The following VWA8 variants were observed in gnomAD, a reference collection of about 807,000 sequenced individuals.
VWA8 encodes von Willebrand factor A domain-containing protein 8.
A neutral mutation model predicts 241.5 loss-of-function variants in VWA8; 221 were observed. The observed-to-expected ratio is 0.91, with a 90% CI of 0.82 to 1.02. The LOEUF (loss-of-function observed/expected upper bound fraction) is 1.02, where lower values mean the gene tolerates loss of function less well. Ranked by LOEUF, VWA8 falls within the 50% of genes least tolerant of loss-of-function variation. VWA8 has a pLI of 0.00. For missense variants in VWA8, 2,322 were observed against 2,328.7 expected, an observed-to-expected ratio of 1.00 and a Z score of 0.06; for synonymous variants, 852 against 827.1, an observed-to-expected ratio of 1.03 and a Z score of -0.52.
At chr13:41,671,281 T>C (rs1233915986) in intron 36 of VWA8, 134 bp from the exon 37 acceptor site, 2 of 955,924 alleles carry the variant, frequency 2.1e-6, no homozygotes, top group African/African-American at 3.3e-5. Context: ...TGCTCTTACC[T>C]CTGTCACCAC....
Position 41,960,904 on chromosome 13 carries a change from T to A in VWA8, c.112A>T (p.Arg38Trp). The change falls in exon 1 of 45, where the codon AGG (arginine) becomes TGG (tryptophan). Residue 38 changes from arginine (R) to tryptophan (W), a missense_variant. Transcript: ENST00000379310. ...QVVQRRPGGD[R>W]QRPEVRLLHA... ...AACAGTCTGACCTCCGGCCGCTGCC[T>A]GTCGCCACCCGGCCTGCGCTGCACC... The A allele has an allele frequency of 6.6e-7, 1 of 1,513,054 alleles. No individual in the cohort carries two copies. Among genetic ancestry groups the A allele is most frequent in the Non-Finnish European group, 8.8e-7 (1 of 1,137,134 alleles). 93.7% of individuals were successfully genotyped at this position (1,513,054 alleles called of 1,614,324 possible).
At chr13:41,598,819 C>T (rs2044504221) in intron 40 of VWA8, among the ~76,000 whole-genome samples, 1 of 140,924 alleles carries the variant, frequency 7.1e-6, no homozygotes, top group African/African-American at 2.5e-5. Context: ...TGCTTCTCTG[C>T]TTTTAGGATT....
At chr13:41,787,127 T>C (rs1163463117) in intron 18 of VWA8, among the ~76,000 whole-genome samples, 1 of 148,348 alleles carries the variant, frequency 6.7e-6, no homozygotes, top group African/African-American at 2.5e-5. Flanking sequence ...AAAAAGTACA[T>C]TTCTCAAAAT....
At chr13:41,715,878 T>C (rs2045345111) in intron 26 of VWA8, among the ~76,000 whole-genome samples, 1 of 152,010 alleles carries the variant, frequency 6.6e-6, no homozygotes, top group Non-Finnish European at 1.5e-5. Context: ...CCATCTTGAG[T>C]GTGGGGATGA....
At chr13:41,920,719 C>T (rs181164647) in intron 2 of VWA8, among the ~76,000 whole-genome samples, 1 of 152,268 alleles carries the variant, frequency 6.6e-6, no homozygotes, top group African/African-American at 2.4e-5. Flanking sequence ...GACACATACA[C>T]CCTCCCAAGA....
chr13:41,797,670 T>C (rs539846660), intron 17 of VWA8, among the ~76,000 whole-genome samples: 195 of 152,320 alleles, frequency 1.3e-3, no homozygotes, highest in Non-Finnish European at 2.3e-3. Flanking sequence ...AATTTTTTGT[T>C]CATCTTCTTC....
chr13:41,727,257 T>A lies in VWA8; in HGVS notation c.2695A>T (p.Met899Leu). Residue 899 changes from methionine (M) to leucine (L), a missense_variant, in exon 24 of 45, where the codon ATG becomes TTG. Coordinates refer to ENST00000379310, the MANE Select transcript of VWA8 (RefSeq NM_015058.2). ...CCAGGTCTATTTGCCAGAACAATCATCCTAAAATCAGGATGAATCACTACA... is the reference window on the plus strand; with the variant it reads ...CCAGGTCTATTTGCCAGAACAATCAACCTAAAATCAGGATGAATCACTACA... ...NVVVIHPDFRMIVLANRPGFP... is the reference protein window; with the variant it reads ...NVVVIHPDFRLIVLANRPGFP... The A allele has an allele frequency of 6.4e-7, 1 of 1,557,496 alleles. No homozygotes were observed. The highest frequency in any genetic ancestry group is 8.7e-7 in the Non-Finnish European group (1 of 1,149,832).
Position 41,918,023 on chromosome 13 carries a change from A to G in VWA8, c.242-5855T>C, listed in dbSNP as rs17595337. On this transcript the variant is annotated intron_variant, in intron 2 of 44. Coordinates refer to ENST00000379310, the MANE Select transcript of VWA8 (RefSeq NM_015058.2). ...CATTCTGTAGTTAGATATAATGGAC[A>G]TGAAGGGTGAAAATATTTAGCACCA... 4.5e-3 allele frequency among the ~76,000 whole-genome samples: 693 copies of G among 152,356 alleles called. 8 individuals are homozygous for G. The highest frequency in any genetic ancestry group is 0.034 in the Admixed American group (524 of 15,294).
At position 41,755,198 on chromosome 13, in the gene VWA8, T is replaced by C. The variant is rs541138590; in HGVS notation, c.2426+5930A>G. On this transcript the variant is annotated intron_variant, in intron 21 of 44. Coordinates refer to ENST00000379310, the MANE Select transcript of VWA8 (RefSeq NM_015058.2). ...TGAGGAACCTCCAAACTGTTCTCCATAGTGGTTGTACTAATTTACATTCCC... is the reference window on the plus strand; with the variant it reads ...TGAGGAACCTCCAAACTGTTCTCCACAGTGGTTGTACTAATTTACATTCCC... 4.4e-4 allele frequency among the ~76,000 whole-genome samples: 67 copies of C among 152,202 alleles called. 1 individual carries two copies. Among genetic ancestry groups the C allele is most frequent in the African/African-American group, 1.4e-3 (59 of 41,558 alleles).
intron 2 of VWA8, among the ~76,000 whole-genome samples, chr13:41,943,350 A>C (rs564305271): frequency 6.6e-6 from 1 of 152,216 alleles, no homozygotes; most frequent in Non-Finnish European, 1.5e-5. Context: ...TAAAGGCTAT[A>C]TTATGAAAAA....
intron 3 of VWA8, among the ~76,000 whole-genome samples, chr13:41,910,171 G>C (rs1875924473): frequency 6.6e-6 from 1 of 152,154 alleles, no homozygotes; most frequent in South Asian, 2.1e-4. Flanking sequence ...AACCAACGAG[G>C]CTTCTCATAA....
intron 5 of VWA8, among the ~76,000 whole-genome samples, chr13:41,889,595 T>C (rs943741443): frequency 3.9e-5 from 6 of 152,138 alleles, no homozygotes. Flanking sequence ...GCCAGGCTGA[T>C]CTTGAACTCC....
chr13:41,767,793 T>C lies in VWA8; in HGVS notation c.2350-6589A>G, dbSNP rs546248780. Among the ~76,000 whole-genome samples the C allele has an allele frequency of 3.3e-5, 5 of 152,342 alleles. No homozygotes were observed. In the East Asian group the frequency reaches 9.6e-4, roughly 29 times the overall value. ...ACCTCCCTGCATTTTCCCTTTGAAA[T>C]ACTGTGTTGCTATAAATGGCAAAAA... On this transcript the variant is annotated intron_variant, in intron 20 of 44. Transcript: ENST00000379310.
At chr13:41,859,369 A>G (rs1450971405) in intron 12 of VWA8, among the ~76,000 whole-genome samples, 4 of 152,214 alleles carry the variant, frequency 2.6e-5, no homozygotes, top group Non-Finnish European at 5.9e-5. Flanking sequence ...GAGTTTAGCT[A>G]TAGAAAGAAA....
At chr13:41,694,776 T>C (rs2045205247) in intron 29 of VWA8, among the ~76,000 whole-genome samples, 1 of 152,044 alleles carries the variant, frequency 6.6e-6, no homozygotes, top group African/African-American at 2.4e-5. Context: ...GAATAAGCAG[T>C]TGATTAAACA....
intron 26 of VWA8, among the ~76,000 whole-genome samples, chr13:41,707,368 T>A (rs1275674388): frequency 6.6e-6 from 1 of 152,170 alleles, no homozygotes; most frequent in Non-Finnish European, 1.5e-5. Flanking sequence ...AAGATTTGGA[T>A]CTTTCTAGGG....
In VWA8 at chr13:41,658,695, C is replaced by CA. The variant is rs368347537; in HGVS notation, c.4611+12250dup. Reference sequence around the variant, plus strand: ...CCTCAGCCTCACAGTTGCCCAGCTTCACTCGGACTTCCTTCCCAGACCACA... The same window carrying CA: ...CCTCAGCCTCACAGTTGCCCAGCTTCAACTCGGACTTCCTTCCCAGACCACA... On this transcript the variant is annotated intron_variant, in intron 37 of 44. Transcript: ENST00000379310. Among the ~76,000 whole-genome samples the CA allele has an allele frequency of 1.9e-3, 290 of 152,348 alleles. 1 individual carries two copies. Among genetic ancestry groups the CA allele is most frequent in the East Asian group, 7.9e-3 (41 of 5,192 alleles).
intron 17 of VWA8, among the ~76,000 whole-genome samples, chr13:41,791,927 G>C (rs1869479318): frequency 6.6e-6 from 1 of 151,480 alleles, no homozygotes; most frequent in Non-Finnish European, 1.5e-5. Context: ...AAATCATAGA[G>C]TAATAATATA....
At chr13:41,657,484 T>A (rs527575424) in intron 37 of VWA8, among the ~76,000 whole-genome samples, 171 of 135,946 alleles carry the variant, frequency 1.3e-3, no homozygotes, top group Admixed American at 3.4e-3. Flanking sequence ...AAGTTATTCT[T>A]TTTTTTTTTT....
Sources: allele counts gnomAD v4.1 joint callset (sites outside exome capture counted in the v4.1 genomes callset), GRCh38; gene constraint gnomAD v4.1.1; transcripts MANE v1.5; gene names NCBI Gene and HGNC (gene_info 2026-07-23, HGNC 2026-07-21).